Variants in PLS1 observed in about 807,000 individuals in gnomAD.
PLS1 encodes the protein plastin-1.
Under a neutral mutation model 73.7 loss-of-function variants are expected in PLS1, and 32 were observed. The observed-to-expected ratio is 0.43, with a 90% CI of 0.33 to 0.58. The LOEUF (loss-of-function observed/expected upper bound fraction) is 0.58, where lower values mean the gene tolerates loss of function less well. PLS1 is among the 20% of genes least tolerant of loss of function. The pLI is 0.04. For synonymous variants in PLS1, 217 were observed against 261.3 expected, an observed-to-expected ratio of 0.83 and a Z score of 1.63; for missense variants, 633 against 740.5, an observed-to-expected ratio of 0.85 and a Z score of 1.68.
intron 4 of PLS1, chr3:142,673,483 G>A (rs773519288): frequency 6.6e-6 from 1 of 152,176 alleles, no homozygotes; most frequent in African/African-American, 2.4e-5. Flanking sequence ...TTTGTGTGTG[G>A]ACATATACTT....
At chr3:142,600,145 G>A (rs1320903007) in intron 1 of PLS1, among the ~76,000 whole-genome samples, 1 of 152,148 alleles carries the variant, frequency 6.6e-6, no homozygotes, top group African/African-American at 2.4e-5. Context: ...AAATTTGGTG[G>A]TCGATGAGAG....
intron 10 of PLS1, among the ~76,000 whole-genome samples, chr3:142,690,410 G>T (rs2038062453): frequency 6.6e-6 from 1 of 151,920 alleles, no homozygotes; most frequent in African/African-American, 2.4e-5. Flanking sequence ...TTCCATCTGG[G>T]TTGATATTTT....
At chr3:142,669,624 G>A in intron 3 of PLS1, 71 bp downstream of exon 3, 2 of 1,029,004 alleles carry the variant, frequency 1.9e-6, no homozygotes, top group Non-Finnish European at 2.8e-6. Context: ...GTCATCACTA[G>A]CTTTGGTTAA....
At chr3:142,709,587 C>T (rs141920213) in intron 14 of PLS1, among the ~76,000 whole-genome samples, 4 of 152,202 alleles carry the variant, frequency 2.6e-5, no homozygotes, top group East Asian at 3.9e-4. Context: ...GAGGCCGAGG[C>T]GGGTGGATCA....
At chr3:142,674,596 T>A (rs2037679868) in intron 4 of PLS1, among the ~76,000 whole-genome samples, 2 of 152,136 alleles carry the variant, frequency 1.3e-5, no homozygotes, top group South Asian at 2.1e-4. Flanking sequence ...CTTCCTATTT[T>A]CCCCACTGCA....
chr3:142,623,058 A>G (rs920714685), intron 1 of PLS1, among the ~76,000 whole-genome samples: 3 of 152,196 alleles, frequency 2.0e-5, no homozygotes, highest in Admixed American at 6.5e-5. Context: ...TCCTGGGCTC[A>G]GGTGGTCCTC....
chr3:142,711,973 G>A lies in PLS1; in HGVS notation c.1856G>A (p.Cys619Tyr), dbSNP rs778743098. The A allele has an allele frequency of 6.2e-7, 1 of 1,613,618 alleles. No individual in the cohort carries two copies. The highest frequency in any genetic ancestry group is 1.1e-5 in the South Asian group (1 of 91,062). Residue 619 changes from cysteine (C) to tyrosine (Y), a missense_variant, in exon 16 of 16, where the codon TGC becomes TAC. Cys to Tyr is a radical substitution (Grantham distance 194, BLOSUM62 -2). Transcript: ENST00000457734. Reference sequence around the variant, plus strand: ...AAGATGGTTATGACGGTGTTTGCATGCTTAATGGGAAAAGGACTGAACAGA... The same window carrying A: ...AAGATGGTTATGACGGTGTTTGCATACTTAATGGGAAAAGGACTGAACAGA... ...KPKMVMTVFA[C>Y]LMGKGLNRIK
Position 142,662,658 on chromosome 3 carries a change from T to C in PLS1, c.-36-1544T>C, listed in dbSNP as rs553180214. On this transcript the variant is annotated intron_variant, in intron 1 of 15. Transcript: ENST00000457734. ...AGATATTTATCACACAGAATAAACA[T>C]GGAGAAGAACAAAGATTTATCTGCA... Among the ~76,000 whole-genome samples, 29 of 152,270 alleles carry C rather than the reference T, an allele frequency of 1.9e-4. No individual in the cohort carries two copies. In the South Asian group the frequency reaches 2.3e-3, roughly 12 times the overall value.
chr3:142,633,983 A>G (rs36109063), intron 1 of PLS1, among the ~76,000 whole-genome samples: 25,035 of 152,220 alleles, frequency 0.16, 2,451 homozygotes, highest in Middle Eastern at 0.28. Context: ...CATAGAAAAT[A>G]TTTTAAGAGA....
At position 142,671,073 on chromosome 3, in the gene PLS1, T is replaced by G. The variant is rs2037594946; in HGVS notation, c.315T>G (p.Ile105Met). ...IINKREGITA[I>M]GGTSTISSEG... ...ACAAGAGGGAAGGGATTACTGCTAT[T>G]GGAGGAACTTCAACTATTTCCAGTG... Residue 105 changes from isoleucine (I) to methionine (M), a missense_variant, in exon 4 of 16, where the codon ATT becomes ATG. Transcript: ENST00000457734. 6.2e-7 allele frequency: 1 copy of G among 1,609,602 alleles called. No individual in the cohort carries two copies. Among genetic ancestry groups the G allele is most frequent in the Non-Finnish European group, 8.5e-7 (1 of 1,176,436 alleles).
intron 1 of PLS1, among the ~76,000 whole-genome samples, chr3:142,649,273 C>T (rs979134776): frequency 2.8e-5 from 4 of 142,238 alleles, no homozygotes; most frequent in Non-Finnish European, 6.0e-5. Context: ...GAGTTCCAGG[C>T]TGCAGTGAAC....
chr3:142,634,240 A>G (rs768642952), intron 1 of PLS1, among the ~76,000 whole-genome samples: 2 of 152,236 alleles, frequency 1.3e-5, no homozygotes, highest in Non-Finnish European at 2.9e-5. Context: ...GGAGGGAGGA[A>G]CAGAAGAAAT....
intron 10 of PLS1, among the ~76,000 whole-genome samples, chr3:142,691,147 C>T (rs1477175767): frequency 6.6e-6 from 1 of 151,920 alleles, no homozygotes; most frequent in African/African-American, 2.4e-5. Context: ...GTGTCCTTGT[C>T]ACCTCATAAT....
chr3:142,642,417 C>G (rs2108616143), intron 1 of PLS1, among the ~76,000 whole-genome samples: 1 of 152,266 alleles, frequency 6.6e-6, no homozygotes, highest in African/African-American at 2.4e-5. Flanking sequence ...CAAAATTTCT[C>G]TGCTCATTTT....
chr3:142,659,943 C>A (rs910470173), intron 1 of PLS1, among the ~76,000 whole-genome samples: 2 of 152,080 alleles, frequency 1.3e-5, no homozygotes, highest in African/African-American at 4.8e-5. Context: ...CTTGCCTAAT[C>A]CTCAAGTATA....
rs1560024451 is a variant in PLS1, at chr3:142,600,903, TA to T, written c.-37+4395del. Among the ~76,000 whole-genome samples, 240 of 32,522 alleles carry T rather than the reference TA, an allele frequency of 7.4e-3. 3 individuals carry two copies. The highest frequency in any genetic ancestry group is 0.012 in the African/African-American group (58 of 4,966). The allele number at this position is 32,522 out of a possible 152,430, so 21.3% of individuals were successfully genotyped here. A position where few individuals can be genotyped will look rare whatever the true frequency, so the allele number is the denominator to read the frequency against. ...ATATATATATATATATATATATATA[TA>T]TATATATATATATTTTTTTTTTTTT... On this transcript the variant is annotated intron_variant, in intron 1 of 15. Transcript: ENST00000457734.
chr3:142,675,612 C>G (rs1358540982), intron 4 of PLS1, among the ~76,000 whole-genome samples: 1 of 151,038 alleles, frequency 6.6e-6, no homozygotes, highest in Non-Finnish European at 1.5e-5. Flanking sequence ...GTCTTGCTCT[C>G]TTGACCTCGT....
At position 142,694,558 on chromosome 3, in the gene PLS1, T is replaced by G; in HGVS notation, c.1256+11T>G. On this transcript the variant is annotated intron_variant, in intron 11 of 15. Transcript: ENST00000457734. ...TAATCATTTGTACAGGTAAATATTT[T>G]ATTGTGCTTCAGCTTTACTGTCAGG... is the stretch of plus-strand genomic sequence containing the variant. 1 of 1,499,282 alleles carries G rather than the reference T, an allele frequency of 6.7e-7. No homozygotes were observed. The highest frequency in any genetic ancestry group is 9.3e-7 in the Non-Finnish European group (1 of 1,077,614). The allele number at this position is 1,499,282 out of a possible 1,614,324, so 92.9% of individuals were successfully genotyped here. A position where few individuals can be genotyped will look rare whatever the true frequency, so the allele number is the denominator to read the frequency against.
chr3:142,608,838 A>C (rs1341391105), intron 1 of PLS1, among the ~76,000 whole-genome samples: 3 of 152,224 alleles, frequency 2.0e-5, no homozygotes, highest in Non-Finnish European at 4.4e-5. Flanking sequence ...AATTCCTGCC[A>C]CATGTCTTCT....
Sources: allele counts gnomAD v4.1 joint callset (sites outside exome capture counted in the v4.1 genomes callset), GRCh38; gene constraint gnomAD v4.1.1; transcripts MANE v1.5; gene names NCBI Gene and HGNC (gene_info 2026-07-23, HGNC 2026-07-21).